The following IGF1R variants were observed in gnomAD, a reference collection of about 807,000 sequenced individuals.
The protein encoded by IGF1R is insulin-like growth factor 1 receptor.
A neutral mutation model predicts 144.6 loss-of-function variants in IGF1R; 44 were observed. The observed-to-expected ratio is 0.30, with a 90% CI of 0.24 to 0.39. The LOEUF (loss-of-function observed/expected upper bound fraction) is 0.39. Among genes scored for constraint, IGF1R ranks in the 10% least tolerant of loss-of-function variants. The pLI is 1.00. For synonymous variants in IGF1R, 795 were observed against 722.8 expected, an observed-to-expected ratio of 1.10 and a Z score of -1.60; for missense variants, 1,355 against 1,833.7, an observed-to-expected ratio of 0.74 and a Z score of 4.77.
chr15:98,752,687 G>A (rs371933802), intron 2 of IGF1R, among the ~76,000 whole-genome samples: 10 of 147,672 alleles, frequency 6.8e-5, no homozygotes, highest in Non-Finnish European at 6.0e-5. Context: ...CCGTCTCAAA[G>A]AAAAAAAAAA....
chr15:98,855,407 C>T (rs971017722), intron 2 of IGF1R, among the ~76,000 whole-genome samples: 1 of 152,188 alleles, frequency 6.6e-6, no homozygotes, highest in African/African-American at 2.4e-5. Flanking sequence ...TGAATTCGTG[C>T]CTTGCAGGTA....
chr15:98,942,325 G>A (rs1198692555), intron 18 of IGF1R, among the ~76,000 whole-genome samples: 3 of 152,060 alleles, frequency 2.0e-5, no homozygotes, highest in African/African-American at 7.2e-5. Flanking sequence ...TTTTTACACC[G>A]CTTCCTTTTT....
In IGF1R at chr15:98,942,841, C is replaced by T. The variant is rs1262328880; in HGVS notation, c.3458-82C>T. ...GTGTCTTGCCTTGCGTCTCTCCACA[C>T]ATAATGAGTGTAGGGTCCTCTGCTG... On this transcript the variant is annotated intron_variant, in intron 18 of 20. Transcript: ENST00000650285. The T allele has an allele frequency of 3.2e-6, 5 of 1,576,584 alleles. No individual in the cohort carries two copies. In the Admixed American group the frequency reaches 6.7e-5, roughly 21 times the overall value.
At chr15:98,767,584 T>C (rs758770947) in intron 2 of IGF1R, among the ~76,000 whole-genome samples, 116 of 152,374 alleles carry the variant, frequency 7.6e-4, no homozygotes, top group African/African-American at 2.7e-3. Flanking sequence ...ATATTTCTTA[T>C]TGTTGATAAT....
intron 13 of IGF1R, among the ~76,000 whole-genome samples, chr15:98,928,897 C>T (rs575211715): frequency 3.3e-5 from 5 of 151,986 alleles, no homozygotes; most frequent in Non-Finnish European, 5.9e-5. Context: ...AAAGGGGTGC[C>T]GTCCAGTGTG....
chr15:98,815,889 C>T (rs1190035050), intron 2 of IGF1R, among the ~76,000 whole-genome samples: 1 of 152,010 alleles, frequency 6.6e-6, no homozygotes, highest in African/African-American at 2.4e-5. Context: ...CTGCCTCCAC[C>T]CTGGATGAGG....
chr15:98,728,285 T>C (rs1345391728), intron 2 of IGF1R, among the ~76,000 whole-genome samples: 2 of 152,118 alleles, frequency 1.3e-5, no homozygotes, highest in Non-Finnish European at 2.9e-5. Context: ...GGTGCCTGTC[T>C]GTGAAAGGCT....
chr15:98,957,376 C>T lies in IGF1R; in HGVS notation c.4038C>T (p.Tyr1346=), dbSNP rs17847203. ...LRASFDERQP[Y]AHMNGGRKNE... ...CCAGCTTCGACGAGAGACAGCCTTA[C>T]GCCCACATGAACGGGGGCCGCAAGA... Residue 1346 remains tyrosine (Y), a synonymous_variant, in exon 21 of 21, where the codon TAC becomes TAT. Coordinates refer to ENST00000650285, the MANE Select transcript of IGF1R (RefSeq NM_000875.5). 81,748 of 1,613,316 alleles carry T rather than the reference C, an allele frequency of 0.051. 2,632 individuals carry two copies. The highest frequency in any genetic ancestry group is 0.12 in the African/African-American group (9,018 of 75,046).
At chr15:98,772,476 A>C (rs372891133) in intron 2 of IGF1R, among the ~76,000 whole-genome samples, 2 of 62,526 alleles carry the variant, frequency 3.2e-5, no homozygotes, top group South Asian at 1.4e-3. Context: ...GTCACTTAAA[A>C]ATTATTATTA....
intron 2 of IGF1R, among the ~76,000 whole-genome samples, chr15:98,752,699 G>A (rs901309323): frequency 1.4e-5 from 2 of 141,766 alleles, no homozygotes; most frequent in African/African-American, 5.2e-5. Flanking sequence ...AAAAAAAAAA[G>A]AAAGTATGTG....
chr15:98,809,921 G>A (rs1372672845), intron 2 of IGF1R, among the ~76,000 whole-genome samples: 1 of 152,180 alleles, frequency 6.6e-6, no homozygotes, highest in East Asian at 1.9e-4. Context: ...GGAAAGGAGA[G>A]GTGTATATGG....
rs1005222762 is a variant in IGF1R, at chr15:98,704,613, C to T, written c.95-2949C>T. ...AGAATGATGAAATTCACTCATTCTG[C>T]GTGTGTCCCATGTCATGTGTCCGCT... On this transcript the variant is annotated intron_variant, in intron 1 of 20. Coordinates refer to ENST00000650285, the MANE Select transcript of IGF1R (RefSeq NM_000875.5). This position sits in a 1 kb window ranked among gnomAD's most constrained non-coding sequence, Gnocchi z 4.9. Among the ~76,000 whole-genome samples the T allele has an allele frequency of 5.9e-5, 9 of 152,106 alleles. No individual in the cohort carries two copies. Among genetic ancestry groups the T allele is most frequent in the Non-Finnish European group, 1.0e-4 (7 of 68,020 alleles).
chr15:98,758,131 TTTC>T (rs951400581), intron 2 of IGF1R, among the ~76,000 whole-genome samples: 5 of 152,180 alleles, frequency 3.3e-5, no homozygotes, highest in Admixed American at 6.5e-5. Context: ...GGCGCTCGCA[TTTC>T]TTCTTCTTAA....
In IGF1R at chr15:98,891,201, C is replaced by A; in HGVS notation, c.641-124C>A. 1 of 862,866 alleles carries A rather than the reference C, an allele frequency of 1.2e-6. No individual in the cohort carries two copies. Among genetic ancestry groups the A allele is most frequent in the Non-Finnish European group, 1.9e-6 (1 of 533,302 alleles). The allele number at this position is 862,866 out of a possible 1,614,324, so 53.5% of individuals were successfully genotyped here. ...ATTTCGTAGTGTGTTTTTGCATTGTCTCCTCAATGAGTGATCTGGTGCTGG... is the reference window on the plus strand; with the variant it reads ...ATTTCGTAGTGTGTTTTTGCATTGTATCCTCAATGAGTGATCTGGTGCTGG... On this transcript the variant is annotated intron_variant, in intron 2 of 20. Coordinates refer to ENST00000650285, the MANE Select transcript of IGF1R (RefSeq NM_000875.5). The surrounding 1 kb of genome is among the most constrained non-coding windows in gnomAD (Gnocchi z 4.7).
intron 19 of IGF1R, 54 bp from the exon 20 acceptor site, chr15:98,948,520 G>A (rs2151726522): frequency 6.3e-7 from 1 of 1,583,666 alleles, no homozygotes. Flanking sequence ...GGAGGGGGCA[G>A]CATTGTTCAG....
At chr15:98,680,786 G>T (rs1472274003) in intron 1 of IGF1R, among the ~76,000 whole-genome samples, 1 of 151,094 alleles carries the variant, frequency 6.6e-6, no homozygotes, top group Non-Finnish European at 1.5e-5. Context: ...TGCCTAGGCT[G>T]GTCTTGAACT....
chr15:98,739,952 G>A (rs558507603), intron 2 of IGF1R, among the ~76,000 whole-genome samples: 2 of 152,082 alleles, frequency 1.3e-5, no homozygotes, highest in Non-Finnish European at 2.9e-5. Context: ...TTCCTGTGAA[G>A]GTACCCAGTG....
chr15:98,834,216 A>G (rs1311120567), intron 2 of IGF1R, among the ~76,000 whole-genome samples: 1 of 152,194 alleles, frequency 6.6e-6, no homozygotes, highest in African/African-American at 2.4e-5. Context: ...AAAGCTTTTA[A>G]GCCTGACTCT....
At chr15:98,774,908 A>G (rs1239398846) in intron 2 of IGF1R, among the ~76,000 whole-genome samples, 2 of 151,644 alleles carry the variant, frequency 1.3e-5, no homozygotes, top group Non-Finnish European at 2.9e-5. Flanking sequence ...TCGACTCATT[A>G]TTGGATATTA....
Sources: gnomAD v4.1 joint callset for allele counts (sites outside exome capture counted in the v4.1 genomes callset) on GRCh38, gnomAD v4.1.1 for gene constraint, Gnocchi (gnomAD v3.1) non-coding constraint, MANE v1.5 for transcripts, NCBI Gene and HGNC (gene_info 2026-07-23, HGNC 2026-07-21) for gene names.